Variants in SPTB observed in about 807,000 individuals in gnomAD.
SPTB encodes spectrin beta, erythrocytic.
A neutral mutation model predicts 256.2 loss-of-function variants in SPTB; 45 were observed. That is an observed-to-expected ratio of 0.18 (90% confidence interval 0.14 to 0.23). The LOEUF (loss-of-function observed/expected upper bound fraction) is 0.23. Among genes scored for constraint, SPTB ranks in the 10% least tolerant of loss-of-function variants. The pLI, the probability that SPTB is intolerant of heterozygous loss-of-function variation, is 1.00. For missense variants in SPTB, 2,715 were observed against 3,040.4 expected (o/e 0.89, Z 2.52); for synonymous variants, 1,231 against 1,243.1 (o/e 0.99, Z 0.21).
Position 64,772,237 on chromosome 14 carries a change from G to T in SPTB, c.5553+343C>A, listed in dbSNP as rs2082288078. On this transcript the variant is annotated intron_variant, in intron 26 of 35. Transcript: ENST00000644917. This position sits in a 1 kb window ranked among gnomAD's most constrained non-coding sequence, Gnocchi z 5.4. ...GGGAATATTAGTAGCTGCCTCAGAG[G>T]ACTGCCATGAGGGTCCAGCGGCTAC... 6.6e-6 allele frequency among the ~76,000 whole-genome samples: 1 copy of T among 152,188 alleles called. No homozygotes were observed. Among genetic ancestry groups the T allele is most frequent in the Admixed American group, 6.5e-5 (1 of 15,294 alleles).
chr14:64,795,062 A>G lies in SPTB; in HGVS notation c.1644+275T>C, dbSNP rs1382198073. Among the ~76,000 whole-genome samples the G allele has an allele frequency of 1.3e-5, 2 of 152,204 alleles. No homozygotes were observed. The highest frequency in any genetic ancestry group is 4.8e-5 in the African/African-American group (2 of 41,448). ...GTTCCTGATTAATGTCTGTCTCTTC[A>G]AGGCCCTGAAGGTTGGCACCGGTGC... On this transcript the variant is annotated intron_variant, in intron 12 of 35. Transcript: ENST00000644917. The surrounding 1 kb of genome is among the most constrained non-coding windows in gnomAD (Gnocchi z 6.5).
Position 64,746,770 on chromosome 14 carries a change from T to C in SPTB, c.*2536A>G, listed in dbSNP as rs79724410. The C allele has an allele frequency of 0.13, 20,068 of 152,562 alleles. 1,452 individuals are homozygous for C. Among genetic ancestry groups the C allele is most frequent in the Middle Eastern group, 0.21 (61 of 294 alleles). 9.5% of individuals were successfully genotyped at this position (152,562 alleles called of 1,614,324 possible). A position where few individuals can be genotyped will look rare whatever the true frequency, so the allele number is the denominator to read the frequency against. Reference sequence around the variant, plus strand: ...AGAGGGAAGGAGGACCGCCTGACCTTGCCCAGAAGGAGCTTCCTCTAAACT... The same window carrying C: ...AGAGGGAAGGAGGACCGCCTGACCTCGCCCAGAAGGAGCTTCCTCTAAACT... On this transcript the variant is annotated 3_prime_UTR_variant, in exon 36 of 36. Transcript: ENST00000644917. The surrounding 1 kb of genome is among the most constrained non-coding windows in gnomAD (Gnocchi z 4.9).
Position 64,786,315 on chromosome 14 carries a change from T to C in SPTB, c.3561+89A>G. ...AGAGTACAAGACAAGAGTAATGTGGTCCCTGAGTCTTACAGCACATTTGTG... is the reference window on the plus strand; with the variant it reads ...AGAGTACAAGACAAGAGTAATGTGGCCCCTGAGTCTTACAGCACATTTGTG... On this transcript the variant is annotated intron_variant, in intron 16 of 35. Coordinates refer to ENST00000644917, the MANE Select transcript of SPTB (RefSeq NM_001355436.2). The surrounding 1 kb of genome is among the most constrained non-coding windows in gnomAD (Gnocchi z 5.6). 6.5e-7 allele frequency: 1 copy of C among 1,529,028 alleles called. No homozygotes were observed. The highest frequency in any genetic ancestry group is 9.0e-7 in the Non-Finnish European group (1 of 1,110,084). The allele number at this position is 1,529,028 out of a possible 1,614,324, so 94.7% of individuals were successfully genotyped here. A position where few individuals can be genotyped will look rare whatever the true frequency, so the allele number is the denominator to read the frequency against.
chr14:64,774,458 G>T lies in SPTB; in HGVS notation c.4912C>A (p.Arg1638=). ...CGGCTGGCCAGCTGCTTGATGTTCC[G>T]GCCGTAGTCCTCCACCGCACGCTGC... ...RQQRAVEDYG[R]NIKQLASRAQ... The change falls in exon 24 of 36, where the codon CGG becomes AGG. Residue 1638 remains arginine (R), a synonymous_variant. Coordinates refer to ENST00000644917, the MANE Select transcript of SPTB (RefSeq NM_001355436.2). The T allele has an allele frequency of 1.9e-6, 3 of 1,564,750 alleles. No homozygotes were observed. Among genetic ancestry groups the T allele is most frequent in the East Asian group, 2.4e-5 (1 of 42,070 alleles).
rs1006013387 is a variant in SPTB at position 64,827,413 on chromosome 14, A to G, written c.-51-4268T>C. 1.3e-5 allele frequency among the ~76,000 whole-genome samples: 2 copies of G among 152,148 alleles called. No individual in the cohort carries two copies. The highest frequency in any genetic ancestry group is 2.4e-5 in the African/African-American group (1 of 41,448). On this transcript the variant is annotated intron_variant, in intron 1 of 35. Transcript: ENST00000644917. This position sits in a 1 kb window ranked among gnomAD's most constrained non-coding sequence, Gnocchi z 4.6. ...GTATTGCTCCTTCCACTGTATTGTTATCTTCTCTCTAGCTGTAAGGTTTGA... is the reference window on the plus strand; with the variant it reads ...GTATTGCTCCTTCCACTGTATTGTTGTCTTCTCTCTAGCTGTAAGGTTTGA...
rs565036776 is a variant in SPTB at position 64,829,197 on chromosome 14, A to G, written c.-51-6052T>C. 7.9e-5 allele frequency among the ~76,000 whole-genome samples: 12 copies of G among 152,326 alleles called. No individual in the cohort carries two copies. The South Asian group carries it at 2.1e-3, about 26-fold the overall frequency. On this transcript the variant is annotated intron_variant, in intron 1 of 35. Coordinates refer to ENST00000644917, the MANE Select transcript of SPTB (RefSeq NM_001355436.2). ...AATTAAGCTTTAGAGCTAATTTCCCATTTATAGGAATTACAGGAAATCAAG... is the reference window on the plus strand; with the variant it reads ...AATTAAGCTTTAGAGCTAATTTCCCGTTTATAGGAATTACAGGAAATCAAG...
chr14:64,808,108 G>A (rs957799773), intron 2 of SPTB, among the ~76,000 whole-genome samples: 4 of 152,226 alleles, frequency 2.6e-5, no homozygotes, highest in African/African-American at 9.6e-5. Context: ...CGCCTTCTGG[G>A]TTCAAGCAAT....
At chr14:64,822,512 C>T (rs903133262) in intron 2 of SPTB, among the ~76,000 whole-genome samples, 7 of 151,740 alleles carry the variant, frequency 4.6e-5, no homozygotes, top group East Asian at 3.9e-4. Flanking sequence ...TATCTGTTCT[C>T]GATTTCCTAT....
At position 64,772,915 on chromosome 14, in the gene SPTB, C is replaced by T. The variant is rs541815393; in HGVS notation, c.5218G>A (p.Gly1740Arg). ...DKFRDFARET[G>R]AIGQERVDNV... ...TCCACCCGCTCCTGCCCAATCGCCC[C>T]GGTCTCCCGGGCAAAGTCCCGGAAC... The change falls in exon 26 of 36, where the codon GGG (glycine) becomes AGG (arginine). Residue 1740 changes from glycine (G) to arginine (R), a missense_variant. Around this residue, in one of 4 missense-constraint regions of SPTB, gnomAD observed 2,239 missense variants for 2,384.4 expected, o/e 0.94. Coordinates refer to ENST00000644917, the MANE Select transcript of SPTB (RefSeq NM_001355436.2). This position sits in a 1 kb window ranked among gnomAD's most constrained non-coding sequence, Gnocchi z 5.4. 4.4e-6 allele frequency: 7 copies of T among 1,604,072 alleles called. No homozygotes were observed. The highest frequency in any genetic ancestry group is 3.3e-5 in the Admixed American group (2 of 59,844).
intron 1 of SPTB, among the ~76,000 whole-genome samples, chr14:64,832,608 T>A (rs754502026): frequency 1.3e-5 from 2 of 152,160 alleles, no homozygotes; most frequent in Non-Finnish European, 2.9e-5. Context: ...CTTCAGAACA[T>A]CCACCTAAGA....
In SPTB at chr14:64,793,365, G is replaced by A; in HGVS notation, c.2298C>T (p.Leu766=). Residue 766 remains leucine, a synonymous_variant, in exon 14 of 36, where the codon CTC becomes CTT. Coordinates refer to ENST00000644917, the MANE Select transcript of SPTB (RefSeq NM_001355436.2). This position sits in a 1 kb window ranked among gnomAD's most constrained non-coding sequence, Gnocchi z 7.0. The part of the protein sequence containing the change: ...KAWLQDAHRL[L]SGEDVGQDEG... ...CGTCCTGCCCCACATCTTCACCAGA[G>A]AGCAGCCGGTGGGCGTCTTGCAGCC... 1 of 1,612,352 alleles carries A rather than the reference G, an allele frequency of 6.2e-7. No homozygotes were observed. The highest frequency in any genetic ancestry group is 8.5e-7 in the Non-Finnish European group (1 of 1,180,034).
intron 2 of SPTB, among the ~76,000 whole-genome samples, chr14:64,811,222 C>T (rs2083083487): frequency 6.6e-6 from 1 of 152,040 alleles, no homozygotes; most frequent in African/African-American, 2.4e-5. Flanking sequence ...ATACAAAAAG[C>T]ACCTACATAT....
rs944681889 is a variant in SPTB, at chr14:64,778,993, T to C, written c.4563+164A>G. Among the ~76,000 whole-genome samples, 4 of 152,100 alleles carry C rather than the reference T, an allele frequency of 2.6e-5. No homozygotes were observed. Among genetic ancestry groups the C allele is most frequent in the Non-Finnish European group, 4.4e-5 (3 of 68,032 alleles). On this transcript the variant is annotated intron_variant, in intron 22 of 35. Coordinates refer to ENST00000644917, the MANE Select transcript of SPTB (RefSeq NM_001355436.2). The surrounding 1 kb of genome is among the most constrained non-coding windows in gnomAD (Gnocchi z 5.2). ...TCTGTAATCACAAAAACCTGCTCTTTCTGCTATAAGATTACCAATACGGTT... is the reference window on the plus strand; with the variant it reads ...TCTGTAATCACAAAAACCTGCTCTTCCTGCTATAAGATTACCAATACGGTT...
In SPTB at chr14:64,795,404, G is replaced by A. The variant is rs145315673; in HGVS notation, c.1577C>T (p.Thr526Ile). ...LLQSRRQRLE[T>I]TLALQKLFQD... ...GAAGAGCTTCTGCAGTGCCAGGGTG[G>A]TCTCGAGCCTCTGGCGCCGGGACTG... The change falls in exon 12 of 36, where the codon ACC becomes ATC. Residue 526 changes from threonine to isoleucine, a missense_variant. By Grantham distance (89) the Thr-to-Ile change is moderately conservative. Around this residue, in one of 4 missense-constraint regions of SPTB, gnomAD observed 2,239 missense variants for 2,384.4 expected, o/e 0.94. Transcript: ENST00000644917. The surrounding 1 kb of genome is among the most constrained non-coding windows in gnomAD (Gnocchi z 6.5). The A allele has an allele frequency of 2.5e-4, 410 of 1,613,974 alleles. 1 individual carries two copies. The highest frequency in any genetic ancestry group is 1.3e-3 in the Middle Eastern group (8 of 6,080).
chr14:64,797,446 G>A (rs566889382), intron 10 of SPTB, among the ~76,000 whole-genome samples: 11 of 114,774 alleles, frequency 9.6e-5, no homozygotes, highest in African/African-American at 3.4e-4. Context: ...CCACCTGGGT[G>A]ACAGAGTGAG....
At position 64,793,621 on chromosome 14, in the gene SPTB, G is replaced by T. The variant is rs936565423; in HGVS notation, c.2042C>A (p.Ala681Asp). ...SVLILQRKHK[A>D]FEDELRGLDA... ...CAGCCCACGGAGCTCATCCTCAAAG[G>T]CCTTGTGCTTGCGCTGTAAGATGAG... Residue 681 changes from alanine to aspartate, a missense_variant, in exon 14 of 36, where the codon GCC becomes GAC. By Grantham distance (126) the Ala-to-Asp change is moderately radical. Around this residue, in one of 4 missense-constraint regions of SPTB, gnomAD observed 2,239 missense variants for 2,384.4 expected, o/e 0.94. Coordinates refer to ENST00000644917, the MANE Select transcript of SPTB (RefSeq NM_001355436.2). This position sits in a 1 kb window ranked among gnomAD's most constrained non-coding sequence, Gnocchi z 7.0. 1 of 1,614,054 alleles carries T rather than the reference G, an allele frequency of 6.2e-7. No individual in the cohort carries two copies. Among genetic ancestry groups the T allele is most frequent in the African/African-American group, 1.3e-5 (1 of 74,930 alleles).
Position 64,795,483 on chromosome 14 carries a change from T to C in SPTB, c.1498A>G (p.Thr500Ala), listed in dbSNP as rs775790438. 34 of 1,614,038 alleles carry C rather than the reference T, an allele frequency of 2.1e-5. No homozygotes were observed. In the African/African-American group the frequency reaches 3.9e-4, roughly 18 times the overall value. ...KENYHDQKRITARKDNILRLW... is the reference protein window; with the variant it reads ...KENYHDQKRIAARKDNILRLW... Reference sequence around the variant, plus strand: ...CGCAGTATATTGTCCTTGCGGGCCGTGATGCGCTTCTGGTCATGGTAGTTC... The same window carrying C: ...CGCAGTATATTGTCCTTGCGGGCCGCGATGCGCTTCTGGTCATGGTAGTTC... Residue 500 changes from threonine to alanine, a missense_variant, in exon 12 of 36, where the codon ACG (threonine) becomes GCG (alanine). Thr to Ala is a moderately conservative substitution (Grantham distance 58). Coordinates refer to ENST00000644917, the MANE Select transcript of SPTB (RefSeq NM_001355436.2). The surrounding 1 kb of genome is among the most constrained non-coding windows in gnomAD (Gnocchi z 6.5).
At chr14:64,817,682 T>C (rs2083216780) in intron 2 of SPTB, among the ~76,000 whole-genome samples, 1 of 152,216 alleles carries the variant, frequency 6.6e-6, no homozygotes, top group Non-Finnish European at 1.5e-5. Flanking sequence ...CTGGGGCACC[T>C]GAGATCAGCA....
intron 2 of SPTB, among the ~76,000 whole-genome samples, chr14:64,817,240 G>A (rs17102161): frequency 0.18 from 26,924 of 152,030 alleles, 3,913 homozygotes; most frequent in African/African-American, 0.38. Context: ...TGCACAGGTA[G>A]CTGGCAGGTT....
Sources: allele counts gnomAD v4.1 joint callset (sites outside exome capture counted in the v4.1 genomes callset), GRCh38; gene constraint gnomAD v4.1.1; regional missense constraint gnomAD v4.1.1; non-coding constraint Gnocchi (gnomAD v3.1); transcripts MANE v1.5; gene names NCBI Gene and HGNC (gene_info 2026-07-23, HGNC 2026-07-21).